SV2C: variants seen among roughly 807,000 people sequenced by gnomAD.
SV2C encodes synaptic vesicle glycoprotein 2C, also known as solute carrier family 22 member B3.
Under a neutral mutation model 79.7 loss-of-function variants are expected in SV2C, and 49 were observed. The ratio of observed to expected loss-of-function variants is 0.61; its 90% CI spans 0.49 to 0.78. The LOEUF (loss-of-function observed/expected upper bound fraction) is 0.78, where lower values mean the gene tolerates loss of function less well. Among genes scored for constraint, SV2C ranks in the 30% least tolerant of loss-of-function variants. The pLI is 0.00. For synonymous variants in SV2C, 334 were observed against 333.2 expected, an observed-to-expected ratio of 1.00 and a Z score of -0.03; for missense variants, 833 against 912.9, an observed-to-expected ratio of 0.91 and a Z score of 1.13.
At chr5:75,901,117 A>G in the SV2C span, among the ~76,000 whole-genome samples, 14 of 152,084 alleles carry the variant, frequency 9.2e-5, no homozygotes, top group South Asian at 6.2e-4. Context: ...GCTTTGTTCC[A>G]TTGCTGGTGA....
the SV2C span, among the ~76,000 whole-genome samples, chr5:76,065,164 T>C: frequency 6.6e-6 from 1 of 152,196 alleles, no homozygotes; most frequent in African/African-American, 2.4e-5. Context: ...GATCTGAACC[T>C]TCAGTGCATG....
chr5:75,891,970 C>T, the SV2C span, among the ~76,000 whole-genome samples: 1 of 152,040 alleles, frequency 6.6e-6, no homozygotes, highest in African/African-American at 2.4e-5. Flanking sequence ...CCTGACCTCC[C>T]CAGCAAAATC....
At position 76,333,611 on chromosome 5, in the gene SV2C, C is replaced by T. The variant is rs1380151605; in HGVS notation, c.*8064C>T. 1.3e-5 allele frequency: 2 copies of T among 152,164 alleles called. No homozygotes were observed. Among genetic ancestry groups the T allele is most frequent in the African/African-American group, 4.8e-5 (2 of 41,422 alleles). 9.4% of individuals were successfully genotyped at this position (152,164 alleles called of 1,614,324 possible). A position where few individuals can be genotyped will look rare whatever the true frequency, so the allele number is the denominator to read the frequency against. On this transcript the variant is annotated 3_prime_UTR_variant, in exon 13 of 13. Coordinates refer to ENST00000502798, the MANE Select transcript of SV2C (RefSeq NM_014979.4). ...CCCTATTGTACTGTATATACGTGTG[C>T]TGCATGTGTAAATTCTGTTTCAGGT... is the stretch of plus-strand genomic sequence containing the variant.
chr5:75,890,772 A>G, the SV2C span, among the ~76,000 whole-genome samples: 1 of 152,076 alleles, frequency 6.6e-6, no homozygotes, highest in Non-Finnish European at 1.5e-5. Flanking sequence ...CTTGCTCACT[A>G]TGTGGGTAGG....
intron 2 of SV2C, among the ~76,000 whole-genome samples, chr5:76,150,549 C>G (rs1308360152): frequency 1.3e-5 from 2 of 150,552 alleles, no homozygotes; most frequent in African/African-American, 4.9e-5. Context: ...GGAATATCAC[C>G]TTTCAAAATT....
At chr5:75,998,158 A>C in the SV2C span, among the ~76,000 whole-genome samples, 6 of 152,200 alleles carry the variant, frequency 3.9e-5, no homozygotes, top group African/African-American at 1.4e-4. Context: ...ACATGGACAC[A>C]GGAAGGGGAA....
the SV2C span, among the ~76,000 whole-genome samples, chr5:75,894,880 C>T: frequency 6.6e-6 from 1 of 152,140 alleles, no homozygotes; most frequent in South Asian, 2.1e-4. Context: ...GCTCTCACCT[C>T]TAACTGACCT....
chr5:76,064,063 C>T, the SV2C span, among the ~76,000 whole-genome samples: 1,777 of 152,238 alleles, frequency 0.012, 40 homozygotes, highest in African/African-American at 0.041. Flanking sequence ...AACAGCATAG[C>T]ATGAGGAGGG....
At chr5:75,928,395 T>C in the SV2C span, among the ~76,000 whole-genome samples, 1 of 152,226 alleles carries the variant, frequency 6.6e-6, no homozygotes, top group Non-Finnish European at 1.5e-5. Context: ...CGGGAGATGA[T>C]GTTCAGTCCC....
the SV2C span, among the ~76,000 whole-genome samples, chr5:76,050,207 C>G: frequency 1.3e-5 from 2 of 152,244 alleles, no homozygotes; most frequent in Non-Finnish European, 2.9e-5. Context: ...ACATACTGCC[C>G]AAATATTTAA....
intron 1 of SV2C, among the ~76,000 whole-genome samples, chr5:76,115,424 T>TA (rs1748232215): frequency 6.6e-6 from 1 of 152,052 alleles, no homozygotes; most frequent in South Asian, 2.1e-4. Flanking sequence ...TGAAGAAGGG[T>TA]AGTTGATCAT....
intron 4 of SV2C, among the ~76,000 whole-genome samples, chr5:76,270,969 A>G (rs930603890): frequency 2.0e-5 from 3 of 152,008 alleles, no homozygotes; most frequent in Admixed American, 6.5e-5. Flanking sequence ...GGGTTTCACC[A>G]TGTTGGCCAC....
At chr5:75,889,666 T>G in the SV2C span, among the ~76,000 whole-genome samples, 192 of 152,260 alleles carry the variant, frequency 1.3e-3, no homozygotes, top group Middle Eastern at 0.031. Flanking sequence ...TCTGAGGCAC[T>G]GGGGTCAGGA....
intron 1 of SV2C, among the ~76,000 whole-genome samples, chr5:76,094,254 GGT>G (rs1561212647): frequency 6.6e-6 from 1 of 152,140 alleles, no homozygotes; most frequent in Admixed American, 6.6e-5. Context: ...CAGTTTGACA[GGT>G]GTATACATCT....
intron 4 of SV2C, among the ~76,000 whole-genome samples, chr5:76,239,042 C>T (rs1431026824): frequency 6.6e-6 from 1 of 152,050 alleles, no homozygotes; most frequent in Non-Finnish European, 1.5e-5. Context: ...TATCTGGTGC[C>T]TTCAACATCT....
chr5:76,288,674 A>G (rs1747435979), intron 6 of SV2C, among the ~76,000 whole-genome samples: 1 of 152,166 alleles, frequency 6.6e-6, no homozygotes, highest in African/African-American at 2.4e-5. Flanking sequence ...AAGTCCACTA[A>G]TGGCGATGTG....
At chr5:76,071,485 T>TA in the SV2C span, among the ~76,000 whole-genome samples, 1 of 152,186 alleles carries the variant, frequency 6.6e-6, no homozygotes, top group Non-Finnish European at 1.5e-5. Flanking sequence ...GAGATAGTTT[T>TA]AAAAATATCT....
intron 12 of SV2C, among the ~76,000 whole-genome samples, chr5:76,342,887 T>TC (rs1491228132): frequency 5.0e-4 from 19 of 38,096 alleles, no homozygotes; most frequent in South Asian, 1.2e-3. Flanking sequence ...TCTCTCTCTC[T>TC]TTTTTTTTTT....
the SV2C span, among the ~76,000 whole-genome samples, chr5:76,017,777 T>C: frequency 6.6e-6 from 1 of 152,138 alleles, no homozygotes; most frequent in Admixed American, 6.6e-5. Flanking sequence ...CTCCCTCAAA[T>C]TGACTTGCTG....
Sources: gnomAD v4.1 joint callset for allele counts (sites outside exome capture counted in the v4.1 genomes callset) on GRCh38, gnomAD v4.1.1 for gene constraint, MANE v1.5 for transcripts, NCBI Gene and HGNC (gene_info 2026-07-23, HGNC 2026-07-21) for gene names.